GPM6B: variants seen among roughly 807,000 people sequenced by gnomAD.
GPM6B encodes the protein glycoprotein M6B, also known as neuronal membrane glycoprotein M6-b.
GPM6B carries 4 observed loss-of-function variants against 27.2 expected under a neutral mutation model. The observed-to-expected ratio is 0.15, with a 90% CI of 0.07 to 0.34. The LOEUF is 0.34. Among genes scored for constraint, GPM6B ranks in the 10% least tolerant of loss-of-function variants. The pLI is 1.00. For synonymous variants in GPM6B, 124 were observed against 103.1 expected (o/e 1.20, Z -1.23); for missense variants, 183 against 261.9 (o/e 0.70, Z 2.08).
chrX:13,774,210 A>G, intron 7 of GPM6B: 1 of 767,697 alleles, frequency 1.3e-6, no homozygotes, highest in Non-Finnish European at 1.5e-6. Flanking sequence ...AATCAAAAAT[A>G]ACAGAAAATG....
intron 3 of GPM6B, 140 bp downstream of exon 3, chrX:13,785,482 T>C: frequency 1.9e-6 from 1 of 529,287 alleles, no homozygotes. Context: ...GAGGTGGCGT[T>C]TCACCATGTT....
chrX:13,894,013 G>C lies in GPM6B; in HGVS notation c.-198+44314C>G, dbSNP rs1025084306. 7.1e-5 allele frequency among the ~76,000 whole-genome samples: 8 copies of C among 112,122 alleles called. No individual in the cohort carries two copies. The Admixed American group carries it at 7.5e-4, about 11-fold the overall frequency. On this transcript the variant is annotated intron_variant, in intron 1 of 6. Transcript: ENST00000398361. ...CATTCCTTCTCTCCACATCCTCAGA[G>C]ACCTCATGGGGAGAACTTGCTGGCG...
intron 5 of GPM6B, 59 bp downstream of exon 5, chrX:13,779,759 G>A: frequency 1.0e-6 from 1 of 956,467 alleles, no homozygotes; most frequent in Non-Finnish European, 1.4e-6. Flanking sequence ...ATTAGGTCCA[G>A]ACATATGCAC....
intron 1 of GPM6B, among the ~76,000 whole-genome samples, chrX:13,915,776 T>C (rs1462004921): frequency 8.9e-6 from 1 of 112,832 alleles, no homozygotes; most frequent in African/African-American, 3.2e-5. Context: ...TATGCATGTC[T>C]GCCTGCATAT....
intron 1 of GPM6B, among the ~76,000 whole-genome samples, chrX:13,816,055 G>A (rs2049228892): frequency 8.9e-6 from 1 of 111,761 alleles, no homozygotes; most frequent in Admixed American, 9.5e-5. Context: ...CGATTCTATG[G>A]GACATCAAAC....
intron 1 of GPM6B, among the ~76,000 whole-genome samples, chrX:13,857,451 G>C (rs768866485): frequency 1.1e-4 from 12 of 112,022 alleles, no homozygotes; most frequent in African/African-American, 3.9e-4. Flanking sequence ...AAGCAATAAA[G>C]GACCCCTGGT....
upstream of GPM6B, among the ~76,000 whole-genome samples, chrX:13,818,953 A>T (rs1286238579): frequency 8.9e-6 from 1 of 112,596 alleles, no homozygotes; most frequent in Non-Finnish European, 1.9e-5. Context: ...GTGTCCAGCA[A>T]AAACATCTGA....
chrX:13,783,992 G>A, intron 3 of GPM6B: 1 of 251,513 alleles, frequency 4.0e-6, no homozygotes, highest in South Asian at 4.1e-5. Context: ...CCCCTAAGTA[G>A]GCACTCAGGG....
chrX:13,785,370 C>A (rs1365780518), intron 3 of GPM6B, among the ~76,000 whole-genome samples: 1 of 111,487 alleles, frequency 9.0e-6, no homozygotes, highest in Non-Finnish European at 1.9e-5. Context: ...GCAACATCCA[C>A]CTCCTGGGTT....
intron 1 of GPM6B, among the ~76,000 whole-genome samples, chrX:13,865,928 A>G (rs1038545487): frequency 1.5e-4 from 17 of 111,356 alleles, no homozygotes. Flanking sequence ...ATTAAGTGAA[A>G]TAAATAAGCC....
rs987027845 is a variant in GPM6B, at chrX:13,772,298, T to C, written c.*583A>G. On this transcript the variant is annotated 3_prime_UTR_variant, in exon 8 of 8. Coordinates refer to ENST00000316715, the MANE Select transcript of GPM6B (RefSeq NM_001001995.3). ...CATTATTGAAAAATATATTTCTGAT[T>C]GGCTCAGGAAATTAATGGGTCCTGG... is the stretch of plus-strand genomic sequence containing the variant. 2.7e-5 allele frequency: 3 copies of C among 111,993 alleles called. No homozygotes were observed. In the Admixed American group the frequency reaches 2.8e-4, roughly 11 times the overall value. 9.2% of individuals were successfully genotyped at this position (111,993 alleles called of 1,213,427 possible).
At chrX:13,873,504 A>G (rs1258361948) in intron 1 of GPM6B, among the ~76,000 whole-genome samples, 1 of 112,108 alleles carries the variant, frequency 8.9e-6, no homozygotes, top group East Asian at 2.8e-4. Context: ...TGGTTGCCCA[A>G]TGTGGTGAAT....
At chrX:13,839,758 A>G (rs1300059988) in intron 1 of GPM6B, among the ~76,000 whole-genome samples, 3 of 112,081 alleles carry the variant, frequency 2.7e-5, no homozygotes, top group Non-Finnish European at 5.6e-5. Context: ...TGAGGGTTTC[A>G]TTTTCAATTT....
At chrX:13,841,320 T>C (rs746073935) in intron 1 of GPM6B, among the ~76,000 whole-genome samples, 2 of 111,726 alleles carry the variant, frequency 1.8e-5, no homozygotes, top group Non-Finnish European at 3.8e-5. Flanking sequence ...ACATCTTCAT[T>C]TCAAGACTTC....
Position 13,837,722 on chromosome X carries a change from G to T in GPM6B, c.-197-51914C>A, listed in dbSNP as rs1426345037. Among the ~76,000 whole-genome samples the T allele has an allele frequency of 2.0e-4, 17 of 86,982 alleles. 2 individuals carry two copies. The East Asian group carries it at 4.4e-3, about 22-fold the overall frequency. 75.5% of individuals were successfully genotyped at this position (86,982 alleles called of 115,157 possible). ...CAAAGCAAGTTGGTGGGGGGGGGGG[G>T]GGGGGGAAGCAGAGGGGAAAGCAAA... On this transcript the variant is annotated intron_variant, in intron 1 of 6. Coordinates refer to the GPM6B transcript ENST00000398361.
At position 13,836,478 on chromosome X, in the gene GPM6B, C is replaced by T. The variant is rs1031194000; in HGVS notation, c.-197-50670G>A. ...AATGAAGTTCTGTGGATATAAATAA[C>T]GTCCCATTTTTACAGTGCAAAGATT... On this transcript the variant is annotated intron_variant, in intron 1 of 6. Transcript: ENST00000398361. Among the ~76,000 whole-genome samples the T allele has an allele frequency of 2.7e-5, 3 of 112,273 alleles. No individual in the cohort carries two copies. The Admixed American group carries it at 2.8e-4, about 11-fold the overall frequency.
intron 2 of GPM6B, among the ~76,000 whole-genome samples, chrX:13,805,526 G>T (rs753621874): frequency 1.3e-3 from 141 of 112,287 alleles, no homozygotes; most frequent in Non-Finnish European, 1.4e-3. Flanking sequence ...TTGGAATTCT[G>T]AAAGAAATCA....
chrX:13,804,385 A>G, intron 2 of GPM6B, among the ~76,000 whole-genome samples: 1 of 79,142 alleles, frequency 1.3e-5, no homozygotes, highest in African/African-American at 5.1e-5. Context: ...CCACCACCTC[A>G]GGCCAGGCCC....
intron 1 of GPM6B, among the ~76,000 whole-genome samples, chrX:13,842,026 T>C (rs1486839727): frequency 1.8e-5 from 2 of 112,365 alleles, no homozygotes; most frequent in African/African-American, 6.5e-5. Flanking sequence ...CATAGGTCTA[T>C]GTCCCCCCAA....
Sources: allele counts gnomAD v4.1 joint callset (sites outside exome capture counted in the v4.1 genomes callset), GRCh38; gene constraint gnomAD v4.1.1; transcripts MANE v1.5; gene names NCBI Gene and HGNC (gene_info 2026-07-23, HGNC 2026-07-21).